Variants in HMCN1 observed in about 807,000 individuals in gnomAD.
HMCN1 encodes hemicentin 1, also known as hemicentin-1.
A neutral mutation model predicts 625.9 loss-of-function variants in HMCN1; 321 were observed. That is an observed-to-expected ratio of 0.51 (90% CI 0.47 to 0.56). The LOEUF (loss-of-function observed/expected upper bound fraction) is 0.56. Ranked by LOEUF, HMCN1 falls within the 20% of genes least tolerant of loss-of-function variation. HMCN1 has a pLI of 0.00. For synonymous variants in HMCN1, 2,425 were observed against 2,417.6 expected (o/e 1.00, Z -0.09); for missense variants, 6,588 against 6,887.3 (o/e 0.96, Z 1.54).
At chr1:185,775,413 TA>T (rs942275497) in intron 1 of HMCN1, among the ~76,000 whole-genome samples, 2 of 151,588 alleles carry the variant, frequency 1.3e-5, no homozygotes, top group Non-Finnish European at 2.9e-5. Context: ...CCCTGTCTCT[TA>T]AAAAAAGAAA....
At chr1:185,944,423 G>A (rs1490702132) in intron 11 of HMCN1, among the ~76,000 whole-genome samples, 3 of 152,108 alleles carry the variant, frequency 2.0e-5, no homozygotes, top group Admixed American at 6.5e-5. Flanking sequence ...AGATCCACTT[G>A]TACCCCAAAA....
At chr1:186,075,306 A>T (rs151298740) in intron 53 of HMCN1, among the ~76,000 whole-genome samples, 81 of 152,248 alleles carry the variant, frequency 5.3e-4, no homozygotes, top group African/African-American at 1.8e-3. Context: ...TGTGTACACC[A>T]AACCCCCAAA....
In HMCN1 at chr1:186,122,939, T is replaced by G; in HGVS notation, c.12230-12T>G. ...GATAAAGTTTGAACTTTATATTTTT[T>G]GTATATTTTAGTTCCTCCAGTCATT... On this transcript the variant is annotated splice_polypyrimidine_tract_variant and intron_variant, in intron 80 of 106. Transcript: ENST00000271588. The G allele has an allele frequency of 6.2e-7, 1 of 1,612,570 alleles. No homozygotes were observed. Among genetic ancestry groups the G allele is most frequent in the Non-Finnish European group, 8.5e-7 (1 of 1,179,780 alleles).
At chr1:185,998,493 G>C (rs1203959575) in intron 25 of HMCN1, among the ~76,000 whole-genome samples, 1 of 152,086 alleles carries the variant, frequency 6.6e-6, no homozygotes, top group East Asian at 1.9e-4. Flanking sequence ...CTGAGAATTA[G>C]GGAGGTGAAG....
intron 82 of HMCN1, among the ~76,000 whole-genome samples, chr1:186,126,541 CAG>C (rs1256296545): frequency 6.6e-6 from 1 of 151,994 alleles, no homozygotes; most frequent in Non-Finnish European, 1.5e-5. Flanking sequence ...ATAGGGTAGT[CAG>C]AGTAAATTCT....
chr1:186,131,549 A>G (rs1219436731), intron 85 of HMCN1, among the ~76,000 whole-genome samples: 4 of 152,142 alleles, frequency 2.6e-5, no homozygotes, highest in Admixed American at 6.6e-5. Flanking sequence ...GCTGTTGACT[A>G]GGAACTTCCA....
At position 186,090,897 on chromosome 1, in the gene HMCN1, T is replaced by C; in HGVS notation, c.9867T>C (p.Ser3289=). 6.2e-7 allele frequency: 1 copy of C among 1,612,270 alleles called. No individual in the cohort carries two copies. Among genetic ancestry groups the C allele is most frequent in the Non-Finnish European group, 8.5e-7 (1 of 1,178,738 alleles). The change falls in exon 64 of 107, where the codon AGT becomes AGC. Residue 3289 remains serine (S), a synonymous_variant. Transcript: ENST00000271588. The part of the protein sequence containing the change: ...QWLKDGKPIA[S]GETERIRVSA... Reference sequence around the variant, plus strand: ...TTAAAGATGGAAAGCCCATAGCTAGTGGTGAAACAGAAAGAATCCGGTATG... The same window carrying C: ...TTAAAGATGGAAAGCCCATAGCTAGCGGTGAAACAGAAAGAATCCGGTATG...
At chr1:185,969,023 T>C (rs1650617210) in intron 14 of HMCN1, among the ~76,000 whole-genome samples, 1 of 152,210 alleles carries the variant, frequency 6.6e-6, no homozygotes, top group Non-Finnish European at 1.5e-5. Context: ...AGCAAAAAAG[T>C]CTTTATTTTA....
intron 36 of HMCN1, among the ~76,000 whole-genome samples, chr1:186,036,447 A>T (rs1307446417): frequency 6.6e-6 from 1 of 152,150 alleles, no homozygotes; most frequent in East Asian, 1.9e-4. Flanking sequence ...ATCAGATCCC[A>T]TGAGACTTAT....
intron 11 of HMCN1, among the ~76,000 whole-genome samples, chr1:185,936,973 C>T (rs1319998884): frequency 6.6e-6 from 1 of 152,170 alleles, no homozygotes; most frequent in Non-Finnish European, 1.5e-5. Flanking sequence ...AGTGTCACCT[C>T]ATTTGAAGAT....
In HMCN1 at chr1:186,171,439, G is replaced by T; in HGVS notation, c.15677G>T (p.Arg5226Ile). ...GAACCTGGGTATCAGCTCAAAGGCA[G>T]AAAATGCATGGGTAAGAAAAGGGCT... Reference protein sequence around the residue: ...GCEPGYQLKGRKCMDVNECRQ... With the variant: ...GCEPGYQLKGIKCMDVNECRQ... The change falls in exon 101 of 107, where the codon AGA (arginine) becomes ATA (isoleucine). Residue 5226 changes from arginine (R) to isoleucine (I), a missense_variant. By Grantham distance (97) the Arg-to-Ile change is moderately conservative. Around this residue, in one of 3 missense-constraint regions of HMCN1, gnomAD observed 1,954 missense variants for 2,013.1 expected, o/e 0.97. Coordinates refer to ENST00000271588, the MANE Select transcript of HMCN1 (RefSeq NM_031935.3). 1 of 1,611,186 alleles carries T rather than the reference G, an allele frequency of 6.2e-7. No homozygotes were observed. Among genetic ancestry groups the T allele is most frequent in the Non-Finnish European group, 8.5e-7 (1 of 1,177,432 alleles).
rs59391265 is a variant in HMCN1 at position 186,089,084 on chromosome 1, T to C, written c.9727+329T>C. On this transcript the variant is annotated intron_variant, in intron 63 of 106. Coordinates refer to ENST00000271588, the MANE Select transcript of HMCN1 (RefSeq NM_031935.3). ...ATAATTCATTTTGATGGTAAGCCTA[T>C]AGATCTGTTCTTACTTGTATAGATA... Among the ~76,000 whole-genome samples the C allele has an allele frequency of 9.5e-3, 1,448 of 152,148 alleles. 23 individuals carry two copies. The highest frequency in any genetic ancestry group is 0.032 in the African/African-American group (1,311 of 41,548).
At chr1:185,812,526 G>A (rs1380191460) in intron 1 of HMCN1, among the ~76,000 whole-genome samples, 1 of 151,980 alleles carries the variant, frequency 6.6e-6, no homozygotes, top group Non-Finnish European at 1.5e-5. Flanking sequence ...ATAATATTTG[G>A]GATCTGAGAA....
chr1:186,137,848 G>C lies in HMCN1; in HGVS notation c.13800G>C (p.Arg4600Ser), dbSNP rs759992239. Residue 4600 changes from arginine to serine, a missense_variant, in exon 89 of 107, where the codon AGG becomes AGC. Transcript: ENST00000271588. ...SEWSLWEECT[R>S]SCGRGNQTRT... ...GGAGTCTTTGGGAAGAATGCACAAG[G>C]AGCTGTGGACGCGGCAACCAAACCA... The C allele has an allele frequency of 6.2e-7, 1 of 1,613,964 alleles. No individual in the cohort carries two copies. The highest frequency in any genetic ancestry group is 1.3e-5 in the African/African-American group (1 of 74,902).
chr1:185,924,818 T>G lies in HMCN1; in HGVS notation c.1286-229T>G, dbSNP rs529856672. Among the ~76,000 whole-genome samples the G allele has an allele frequency of 7.9e-5, 12 of 152,254 alleles. No homozygotes were observed. The South Asian group carries it at 2.1e-3, about 26-fold the overall frequency. On this transcript the variant is annotated intron_variant, in intron 8 of 106. Coordinates refer to ENST00000271588, the MANE Select transcript of HMCN1 (RefSeq NM_031935.3). ...GTCTTAAAAACTATGATGTCTTAGA[T>G]TCAATGAATACTGTAGTAAGGGGCT...
At chr1:185,784,164 G>A (rs1054534854) in intron 1 of HMCN1, among the ~76,000 whole-genome samples, 4 of 152,258 alleles carry the variant, frequency 2.6e-5, no homozygotes, top group African/African-American at 7.2e-5. Context: ...GGCACAGGAT[G>A]TAATCTCCTG....
intron 1 of HMCN1, among the ~76,000 whole-genome samples, chr1:185,740,859 T>A (rs903308699): frequency 1.3e-5 from 2 of 152,080 alleles, no homozygotes; most frequent in Non-Finnish European, 2.9e-5. Context: ...CCGGGCATGG[T>A]GGCACGTGCC....
chr1:185,875,945 C>T (rs1002568844), intron 4 of HMCN1, among the ~76,000 whole-genome samples: 1 of 151,870 alleles, frequency 6.6e-6, no homozygotes, highest in African/African-American at 2.4e-5. Flanking sequence ...TTTATGGGGG[C>T]ACGTGTACAG....
chr1:186,108,582 T>C lies in HMCN1; in HGVS notation c.10974T>C (p.Asn3658=), dbSNP rs1356978911. 3.1e-6 allele frequency: 5 copies of C among 1,613,948 alleles called. No individual in the cohort carries two copies. In the South Asian group the frequency reaches 4.4e-5, roughly 14 times the overall value. Residue 3658 remains asparagine, a synonymous_variant, in exon 71 of 107, where the codon AAT becomes AAC. Coordinates refer to ENST00000271588, the MANE Select transcript of HMCN1 (RefSeq NM_031935.3). ...CACCTGTAATTACTTGGCTCAGAAA[T>C]GGAGAACGGTTACAGGTAAATTTTT... ...VPPPVITWLR[N]GERLQATPRV...
Sources: gnomAD v4.1 joint callset for allele counts (sites outside exome capture counted in the v4.1 genomes callset) on GRCh38, gnomAD v4.1.1 for gene constraint, gnomAD v4.1.1 regional missense constraint, MANE v1.5 for transcripts, NCBI Gene and HGNC (gene_info 2026-07-23, HGNC 2026-07-21) for gene names.